XKR4: variants seen among roughly 807,000 people sequenced by gnomAD.
The protein encoded by XKR4 is XK related 4, also known as XK-related protein 4.
A neutral mutation model predicts 53.9 loss-of-function variants in XKR4; 12 were observed. The ratio of observed to expected loss-of-function variants is 0.22; its 90% CI spans 0.14 to 0.36. The LOEUF is 0.36. XKR4 is among the 10% of genes least tolerant of loss of function. The pLI, the probability that XKR4 is intolerant of heterozygous loss-of-function variation, is 1.00. For synonymous variants in XKR4, 354 were observed against 362.4 expected, an observed-to-expected ratio of 0.98 and a Z score of 0.26; for missense variants, 799 against 859.5, an observed-to-expected ratio of 0.93 and a Z score of 0.88.
chr8:55,525,603 C>T lies in XKR4; in HGVS notation c.*1376C>T, dbSNP rs893853226. The T allele has an allele frequency of 6.5e-5, 10 of 152,680 alleles. No homozygotes were observed. In the East Asian group the frequency reaches 1.5e-3, roughly 24 times the overall value. The allele number at this position is 152,680 out of a possible 1,614,324, so 9.5% of individuals were successfully genotyped here. ...ACCTCCGTACAGCAAGTAAACGTTC[C>T]CCGCTTTCTGTTCTCAGTGTCCTCG... On this transcript the variant is annotated 3_prime_UTR_variant, in exon 3 of 3. Coordinates refer to ENST00000327381, the MANE Select transcript of XKR4 (RefSeq NM_052898.2).
At chr8:55,280,656 T>TA (rs1343997782) in intron 1 of XKR4, among the ~76,000 whole-genome samples, 1 of 152,222 alleles carries the variant, frequency 6.6e-6, no homozygotes, top group Non-Finnish European at 1.5e-5. Context: ...TTATAATCCT[T>TA]AAGGAGTTAA....
chr8:55,295,827 T>G (rs895484930), intron 1 of XKR4, among the ~76,000 whole-genome samples: 16 of 152,218 alleles, frequency 1.1e-4, no homozygotes, highest in African/African-American at 2.4e-5. Context: ...GGGGGTAGAT[T>G]TACTGACCAC....
chr8:55,247,861 T>TCTTTCTTTCTTTCTTTCTTTCTTTC (rs1554572242), intron 1 of XKR4, among the ~76,000 whole-genome samples: 2 of 107,906 alleles, frequency 1.9e-5, no homozygotes, highest in Non-Finnish European at 4.2e-5. Context: ...CTTTCTTTTT[T>TCTTTCTTTCTTTCTTTCTTTCTTTC]TTTTTTTTTT....
At chr8:55,107,102 A>G (rs1816159847) in intron 1 of XKR4, among the ~76,000 whole-genome samples, 1 of 152,194 alleles carries the variant, frequency 6.6e-6, no homozygotes, top group Non-Finnish European at 1.5e-5. Context: ...AAAACTGGCC[A>G]AACAAAAATA....
chr8:55,399,295 T>C (rs1299830671), intron 2 of XKR4, among the ~76,000 whole-genome samples: 1 of 152,192 alleles, frequency 6.6e-6, no homozygotes, highest in Non-Finnish European at 1.5e-5. Flanking sequence ...ATGTCTGCTA[T>C]GGAAGGAGGC....
chr8:55,287,469 G>T (rs530683554), intron 1 of XKR4, among the ~76,000 whole-genome samples: 2 of 152,338 alleles, frequency 1.3e-5, no homozygotes, highest in South Asian at 4.1e-4. Flanking sequence ...TATCCAAGAT[G>T]TTTCAGCTTC....
At chr8:55,373,145 A>G (rs901547891) in intron 2 of XKR4, among the ~76,000 whole-genome samples, 1 of 152,184 alleles carries the variant, frequency 6.6e-6, no homozygotes, top group Non-Finnish European at 1.5e-5. Flanking sequence ...CTACAAGACT[A>G]ACAAGACTCG....
chr8:55,185,501 A>G (rs1817363666), intron 1 of XKR4, among the ~76,000 whole-genome samples: 2 of 152,230 alleles, frequency 1.3e-5, no homozygotes, highest in African/African-American at 4.8e-5. Flanking sequence ...TTGAGAGACA[A>G]TCCAGGAGCT....
At chr8:55,254,690 G>A (rs1818409975) in intron 1 of XKR4, among the ~76,000 whole-genome samples, 1 of 152,112 alleles carries the variant, frequency 6.6e-6, no homozygotes, top group African/African-American at 2.4e-5. Flanking sequence ...ACTGTTCGGG[G>A]AACCCTAGAA....
intron 1 of XKR4, among the ~76,000 whole-genome samples, chr8:55,228,981 T>C (rs556561751): frequency 6.6e-6 from 1 of 152,270 alleles, no homozygotes; most frequent in East Asian, 1.9e-4. Flanking sequence ...TCAACTGATG[T>C]TTTTCTAAAG....
At position 55,537,457 on chromosome 8, in the gene XKR4, G is replaced by C. The variant is rs1807045651; in HGVS notation, c.*13230G>C. 6.6e-6 allele frequency: 1 copy of C among 152,204 alleles called. No homozygotes were observed. The highest frequency in any genetic ancestry group is 1.5e-5 in the Non-Finnish European group (1 of 68,042). The allele number at this position is 152,204 out of a possible 1,614,324, so 9.4% of individuals were successfully genotyped here. ...TGAAGCTTAGCAGAAAAACAGACAAGCTATTCAGACCAGTTTTCTTTAAGA... is the reference window on the plus strand; with the variant it reads ...TGAAGCTTAGCAGAAAAACAGACAACCTATTCAGACCAGTTTTCTTTAAGA... On this transcript the variant is annotated 3_prime_UTR_variant, in exon 3 of 3. Coordinates refer to ENST00000327381, the MANE Select transcript of XKR4 (RefSeq NM_052898.2).
In XKR4 at chr8:55,243,606, G is replaced by A. The variant is rs952359614; in HGVS notation, c.807-114072G>A. Among the ~76,000 whole-genome samples, 10 of 152,222 alleles carry A rather than the reference G, an allele frequency of 6.6e-5. 1 individual carries two copies. The South Asian group carries it at 1.4e-3, about 22-fold the overall frequency. On this transcript the variant is annotated intron_variant, in intron 1 of 2. Transcript: ENST00000327381. ...TACCAAGGAACTCAATTGCTGGGCC[G>A]TTGGTGAGAGTGTGCTTAGCCTTGT...
intron 2 of XKR4, among the ~76,000 whole-genome samples, chr8:55,466,145 C>T (rs1805764743): frequency 6.6e-6 from 1 of 151,944 alleles, no homozygotes; most frequent in Admixed American, 6.6e-5. Context: ...GGGTATATAC[C>T]CAAAGGATTA....
intron 1 of XKR4, among the ~76,000 whole-genome samples, chr8:55,291,287 A>G (rs1439679180): frequency 6.6e-6 from 1 of 152,136 alleles, no homozygotes; most frequent in Non-Finnish European, 1.5e-5. Context: ...AAGTCTTGAA[A>G]TTGTGTGGAC....
rs1196617235 is a variant in XKR4 at position 55,102,943 on chromosome 8, T to C, written c.455T>C (p.Val152Ala). The C allele has an allele frequency of 1.2e-6, 2 of 1,611,632 alleles. No homozygotes were observed. Among genetic ancestry groups the C allele is most frequent in the South Asian group, 1.1e-5 (1 of 91,060 alleles). Reference sequence around the variant, plus strand: ...TGGTTCGGGCTCACGCTCTTCTTCGTGGTGCTCGGCTCTCTGTCGGTGCAA... The same window carrying C: ...TGGTTCGGGCTCACGCTCTTCTTCGCGGTGCTCGGCTCTCTGTCGGTGCAA... ...RWWFGLTLFFVVLGSLSVQVF... is the reference protein window; with the variant it reads ...RWWFGLTLFFAVLGSLSVQVF... Residue 152 changes from valine to alanine, a missense_variant, in exon 1 of 3, where the codon GTG becomes GCG. By Grantham distance (64) the Val-to-Ala change is moderately conservative. Coordinates refer to ENST00000327381, the MANE Select transcript of XKR4 (RefSeq NM_052898.2). The surrounding 1 kb of genome is among the most constrained non-coding windows in gnomAD (Gnocchi z 5.1).
At position 55,537,240 on chromosome 8, in the gene XKR4, G is replaced by A. The variant is rs1184703545; in HGVS notation, c.*13013G>A. ...ATCGTTAAAATTCCTGGGAAAAAAA[G>A]AAAAAGTTTACGTCAAAGGAAAATT... On this transcript the variant is annotated 3_prime_UTR_variant, in exon 3 of 3. Coordinates refer to ENST00000327381, the MANE Select transcript of XKR4 (RefSeq NM_052898.2). 1 of 152,180 alleles carries A rather than the reference G, an allele frequency of 6.6e-6. No individual in the cohort carries two copies. Among genetic ancestry groups the A allele is most frequent in the Non-Finnish European group, 1.5e-5 (1 of 68,006 alleles). The allele number at this position is 152,180 out of a possible 1,614,324, so 9.4% of individuals were successfully genotyped here.
In XKR4 at chr8:55,372,510, A is replaced by G. The variant is rs117286055; in HGVS notation, c.1006+14633A>G. On this transcript the variant is annotated intron_variant, in intron 2 of 2. Coordinates refer to ENST00000327381, the MANE Select transcript of XKR4 (RefSeq NM_052898.2). ...ACGGGTAAGGTCAACTTAATAAAAA[A>G]TTCAAAAGTGTTTTACTATGGTACT... Among the ~76,000 whole-genome samples, 485 of 152,216 alleles carry G rather than the reference A, an allele frequency of 3.2e-3. 2 individuals carry two copies. Among genetic ancestry groups the G allele is most frequent in the Non-Finnish European group, 3.5e-3 (237 of 68,010 alleles).
At chr8:55,251,571 A>AT (rs1408268335) in intron 1 of XKR4, among the ~76,000 whole-genome samples, 1 of 152,340 alleles carries the variant, frequency 6.6e-6, no homozygotes, top group East Asian at 1.9e-4. Flanking sequence ...GTAAGTAGCT[A>AT]TTTCCTATGA....
chr8:55,372,003 C>T (rs768801621), intron 2 of XKR4, among the ~76,000 whole-genome samples: 1 of 152,218 alleles, frequency 6.6e-6, no homozygotes, highest in African/African-American at 2.4e-5. Flanking sequence ...TCTCTCCTGC[C>T]TCTCCTTCCC....
Sources: gnomAD v4.1 joint callset for allele counts (sites outside exome capture counted in the v4.1 genomes callset) on GRCh38, gnomAD v4.1.1 for gene constraint, Gnocchi (gnomAD v3.1) non-coding constraint, MANE v1.5 for transcripts, NCBI Gene and HGNC (gene_info 2026-07-23, HGNC 2026-07-21) for gene names.